PKHD1L1: variants seen among roughly 807,000 people sequenced by gnomAD.
The protein encoded by PKHD1L1 is fibrocystin-L.
Under a neutral mutation model 462.9 loss-of-function variants are expected in PKHD1L1, and 434 were observed. That is an observed-to-expected ratio of 0.94 (90% CI 0.87 to 1.02). The LOEUF (loss-of-function observed/expected upper bound fraction) is 1.02, where lower values mean the gene tolerates loss of function less well. Among genes scored for constraint, PKHD1L1 ranks in the 50% least tolerant of loss-of-function variants. The probability of loss-of-function intolerance (pLI) is 0.00; values close to 1 mark genes in which losing one functional copy is unlikely to be tolerated. For synonymous variants in PKHD1L1, 1,781 were observed against 1,750.0 expected (o/e 1.02, Z -0.44); for missense variants, 5,202 against 5,096.1 (o/e 1.02, Z -0.63).
intron 15 of PKHD1L1, 56 bp downstream of exon 15, chr8:109,404,769 C>A: frequency 6.9e-7 from 1 of 1,455,822 alleles, no homozygotes; most frequent in Non-Finnish European, 9.2e-7. Context: ...GGCAGGATCT[C>A]AATTTGATTA....
rs1362932446 is a variant in PKHD1L1, at chr8:109,475,025, CAAACT to C, written c.8606-85_8606-81del. The C allele has an allele frequency of 3.2e-6, 4 of 1,235,162 alleles. No homozygotes were observed. The African/African-American group carries it at 4.6e-5, about 14-fold the overall frequency. 76.5% of individuals were successfully genotyped at this position (1,235,162 alleles called of 1,614,324 possible). ...CTAAACCAACATTTGCTAAACCAAC[CAAACT>C]AAACTAACTTTTGCACTTGTTTACA... is the stretch of plus-strand genomic sequence containing the variant. On this transcript the variant is annotated intron_variant, in intron 50 of 77. Transcript: ENST00000378402.
intron 18 of PKHD1L1, among the ~76,000 whole-genome samples, chr8:109,408,588 T>C (rs1215545391): frequency 6.6e-6 from 1 of 152,174 alleles, no homozygotes; most frequent in Non-Finnish European, 1.5e-5. Flanking sequence ...CTATAAAGTA[T>C]TGGTTAGTTT....
chr8:109,433,072 C>T (rs149716248), intron 27 of PKHD1L1, 34 bp from the exon 28 acceptor site: 10 of 1,428,404 alleles, frequency 7.0e-6, no homozygotes, highest in Non-Finnish European at 9.7e-6. Flanking sequence ...ATTTTTCTAA[C>T]TTTAATATTG....
intron 48 of PKHD1L1, among the ~76,000 whole-genome samples, chr8:109,463,169 C>T (rs921308177): frequency 1.3e-5 from 2 of 152,068 alleles, no homozygotes; most frequent in African/African-American, 4.8e-5. Context: ...TAAACAAATA[C>T]ATAAATATGC....
At position 109,456,279 on chromosome 8, in the gene PKHD1L1, A is replaced by G. The variant is rs1171920744; in HGVS notation, c.6892A>G (p.Thr2298Ala). The G allele has an allele frequency of 1.2e-6, 2 of 1,612,754 alleles. No individual in the cohort carries two copies. The highest frequency in any genetic ancestry group is 1.7e-6 in the Non-Finnish European group (2 of 1,179,366). The stretch of plus-strand genomic sequence containing the variant: ...GGTTCTAGGTGTGCCTGTTCCTGTG[A>G]CCTGGACTCGCTTGGCTCATACTGC... Reference protein sequence around the residue: ...LDLHGVPVPVTWTRLAHTAKA... With the variant: ...LDLHGVPVPVAWTRLAHTAKA... The change falls in exon 46 of 78, where the codon ACC becomes GCC. Residue 2298 changes from threonine to alanine, a missense_variant. This residue lies in a region of PKHD1L1 where 4,497 missense variants were observed against 4,336.8 expected (regional missense o/e 1.04). Transcript: ENST00000378402.
chr8:109,446,998 C>A (rs761515177), intron 38 of PKHD1L1, among the ~76,000 whole-genome samples: 1 of 152,070 alleles, frequency 6.6e-6, no homozygotes, highest in Non-Finnish European at 1.5e-5. Context: ...CTGAGGCTGG[C>A]GGATTGCCTG....
intron 48 of PKHD1L1, among the ~76,000 whole-genome samples, chr8:109,462,629 C>A (rs1817203751): frequency 6.6e-6 from 1 of 152,124 alleles, no homozygotes; most frequent in Non-Finnish European, 1.5e-5. Context: ...GCAACTTCCA[C>A]CTCCAGGGTT....
Position 109,476,602 on chromosome 8 carries a change from A to G in PKHD1L1, c.8852A>G (p.Asn2951Ser). 6.3e-7 allele frequency: 1 copy of G among 1,593,524 alleles called. No individual in the cohort carries two copies. The highest frequency in any genetic ancestry group is 1.1e-5 in the South Asian group (1 of 88,044). The change falls in exon 52 of 78, where the codon AAT becomes AGT. Residue 2951 changes from asparagine to serine, a missense_variant. This residue lies in a region of PKHD1L1 where 4,497 missense variants were observed against 4,336.8 expected (regional missense o/e 1.04). Coordinates refer to ENST00000378402, the MANE Select transcript of PKHD1L1 (RefSeq NM_177531.6). ...AGGAATGGTTCCTCAAATCCATTGA[A>G]TTGGAATACTAGCAAGAATGGGGAC... ...DMRNGSSNPL[N>S]WNTSKNGDWH...
At chr8:109,387,524 A>G (rs1159372284) in intron 6 of PKHD1L1, among the ~76,000 whole-genome samples, 1 of 152,126 alleles carries the variant, frequency 6.6e-6, no homozygotes, top group Non-Finnish European at 1.5e-5. Context: ...TTGAAGGATA[A>G]TAGTTACTAA....
At chr8:109,389,971 T>A (rs1253596273) in intron 8 of PKHD1L1, among the ~76,000 whole-genome samples, 2 of 141,788 alleles carry the variant, frequency 1.4e-5, no homozygotes, top group African/African-American at 5.4e-5. Context: ...CTCATACTAC[T>A]TTTTTTTTTT....
chr8:109,432,712 A>T (rs1012629073), intron 27 of PKHD1L1, among the ~76,000 whole-genome samples: 4 of 152,158 alleles, frequency 2.6e-5, no homozygotes, highest in African/African-American at 9.7e-5. Context: ...TGTCCATACC[A>T]CTAATTGCAT....
At chr8:109,367,885 G>A (rs1173371943) in intron 2 of PKHD1L1, among the ~76,000 whole-genome samples, 1 of 152,180 alleles carries the variant, frequency 6.6e-6, no homozygotes, top group Non-Finnish European at 1.5e-5. Context: ...CCTGGGTGAT[G>A]GAGTGAAACC....
chr8:109,468,506 C>G (rs555426268), intron 50 of PKHD1L1, among the ~76,000 whole-genome samples: 1 of 152,292 alleles, frequency 6.6e-6, no homozygotes, highest in African/African-American at 2.4e-5. Flanking sequence ...AAGTACTCAG[C>G]AAGTGTTGAA....
intron 72 of PKHD1L1, among the ~76,000 whole-genome samples, chr8:109,515,709 C>T (rs1268407792): frequency 6.6e-6 from 1 of 151,972 alleles, no homozygotes; most frequent in Non-Finnish European, 1.5e-5. Context: ...AGAATTATTG[C>T]CAAGAAAGCT....
chr8:109,493,244 A>G (rs1818922096), intron 62 of PKHD1L1, among the ~76,000 whole-genome samples: 1 of 148,702 alleles, frequency 6.7e-6, no homozygotes, highest in Non-Finnish European at 1.5e-5. Context: ...TATATTAAAC[A>G]TATATAAATA....
Position 109,493,670 on chromosome 8 carries a change from G to A in PKHD1L1, c.10246G>A (p.Gly3416Arg), listed in dbSNP as rs1437661907. ...LWHAAIEINR[G>R]TNTVLQNNVV... ...TTAATCATTGCACTAGATAAATAGA[G>A]GGACCAATACAGTTTTACAGAATAA... Residue 3416 changes from glycine (G) to arginine (R), a missense_variant, in exon 63 of 78, where the codon GGG becomes AGG. By Grantham distance (125) the Gly-to-Arg change is moderately radical. This residue lies in a region of PKHD1L1 where 4,497 missense variants were observed against 4,336.8 expected (regional missense o/e 1.04). Transcript: ENST00000378402. 1 of 1,597,454 alleles carries A rather than the reference G, an allele frequency of 6.3e-7. No individual in the cohort carries two copies. Among genetic ancestry groups the A allele is most frequent in the East Asian group, 2.2e-5 (1 of 44,478 alleles).
chr8:109,389,551 A>G (rs967826101), intron 8 of PKHD1L1, among the ~76,000 whole-genome samples: 2 of 145,382 alleles, frequency 1.4e-5, no homozygotes, highest in African/African-American at 5.1e-5. Context: ...TGTGTGTTAC[A>G]GAGTCTTGCT....
intron 22 of PKHD1L1, among the ~76,000 whole-genome samples, chr8:109,420,094 C>A (rs1191911095): frequency 6.6e-6 from 1 of 152,046 alleles, no homozygotes; most frequent in Non-Finnish European, 1.5e-5. Context: ...GTGTCAAGTA[C>A]TAAGAAAAGA....
intron 30 of PKHD1L1, among the ~76,000 whole-genome samples, chr8:109,438,023 A>G (rs978776613): frequency 6.6e-6 from 1 of 152,172 alleles, no homozygotes; most frequent in Non-Finnish European, 1.5e-5. Flanking sequence ...TTATCAGAGA[A>G]TCACTTCTCC....
Sources: allele counts gnomAD v4.1 joint callset (sites outside exome capture counted in the v4.1 genomes callset), GRCh38; gene constraint gnomAD v4.1.1; regional missense constraint gnomAD v4.1.1; transcripts MANE v1.5; gene names NCBI Gene and HGNC (gene_info 2026-07-23, HGNC 2026-07-21).